TOP1MT: variants seen among roughly 807,000 people sequenced by gnomAD.
TOP1MT encodes DNA topoisomerase I mitochondrial.
In TOP1MT, 80 loss-of-function variants were observed where a neutral mutation model predicts 73.9. That is an observed-to-expected ratio of 1.08 (90% CI 0.90 to 1.30). TOP1MT has a LOEUF of 1.30. Ranked by LOEUF, TOP1MT falls within the 50% of genes most tolerant of loss-of-function variation. TOP1MT has a pLI of 0.00. For synonymous variants in TOP1MT, 338 were observed against 326.4 expected (o/e 1.04, Z -0.38); for missense variants, 815 against 808.0 (o/e 1.01, Z -0.10).
intron 1 of TOP1MT, among the ~76,000 whole-genome samples, chr8:143,350,889 C>T (rs1027603129): frequency 8.5e-5 from 13 of 152,196 alleles, no homozygotes; most frequent in African/African-American, 3.1e-4. Flanking sequence ...CAGAGACTGT[C>T]CTCGACCACA....
chr8:143,319,015 T>A (rs1000230619), intron 8 of TOP1MT, among the ~76,000 whole-genome samples: 1 of 152,088 alleles, frequency 6.6e-6, no homozygotes, highest in African/African-American at 2.4e-5. Context: ...CTGGACAGAG[T>A]GCAACTCCCC....
intron 5 of TOP1MT, among the ~76,000 whole-genome samples, chr8:143,324,911 G>T (rs572317450): frequency 1.9e-4 from 29 of 152,304 alleles, no homozygotes; most frequent in African/African-American, 6.7e-4. Flanking sequence ...CTGGGACGAC[G>T]AGTGCCCTGC....
At position 143,329,423 on chromosome 8, in the gene TOP1MT, TAA is replaced by T; in HGVS notation, c.285_286del (p.Phe95LeufsTer8). 6.2e-7 allele frequency: 1 copy of T among 1,610,176 alleles called. No homozygotes were observed. The highest frequency in any genetic ancestry group is 8.5e-7 in the Non-Finnish European group (1 of 1,179,018). On this transcript the variant is annotated frameshift_variant, in exon 3 of 14. Coordinates refer to ENST00000329245, the MANE Select transcript of TOP1MT (RefSeq NM_052963.3). LOFTEE classifies it high-confidence loss of function. ...GTATTCATGATCTAACATCCTCCCATAAAAAGTGGCGACCTCCTCCGCTGCCA... is the reference window on the plus strand; with the variant it reads ...GTATTCATGATCTAACATCCTCCCATAAAGTGGCGACCTCCTCCGCTGCCA...
rs1321261830 is a variant in TOP1MT, at chr8:143,326,023, C to G, written c.483+199G>C. ...ATGATGGTAAATTATCCATTTCAAA[C>G]CGGGTTTACTCTCAAATGTGCTCTG... On this transcript the variant is annotated intron_variant, in intron 4 of 13. Coordinates refer to ENST00000329245, the MANE Select transcript of TOP1MT (RefSeq NM_052963.3). Among the ~76,000 whole-genome samples the G allele has an allele frequency of 2.0e-5, 3 of 152,204 alleles. No individual in the cohort carries two copies. In the South Asian group the frequency reaches 6.2e-4, roughly 32 times the overall value.
intron 2 of TOP1MT, among the ~76,000 whole-genome samples, chr8:143,342,084 ATTATTAGAGTCTCGCTCTG>A (rs1276676155): frequency 7.6e-5 from 10 of 130,864 alleles, no homozygotes; most frequent in African/African-American, 1.7e-4. Context: ...TGTTATTATT[ATTATTAGAGTCTCGCTCTG>A]TTATTATTAT....
upstream of TOP1MT, among the ~76,000 whole-genome samples, chr8:143,358,381 CCT>C (rs1210348149): frequency 1.3e-5 from 2 of 152,218 alleles, no homozygotes; most frequent in African/African-American, 2.4e-5. Flanking sequence ...CCATTCCTCC[CCT>C]GTTCTGATCC....
chr8:143,351,044 G>A (rs1015710746), intron 1 of TOP1MT, among the ~76,000 whole-genome samples: 10 of 152,016 alleles, frequency 6.6e-5, no homozygotes, highest in African/African-American at 2.2e-4. Flanking sequence ...CTTCATCATC[G>A]GGTCAAATTC....
At chr8:143,320,557 A>G (rs892821583) in intron 8 of TOP1MT, among the ~76,000 whole-genome samples, 1 of 152,224 alleles carries the variant, frequency 6.6e-6, no homozygotes, top group Non-Finnish European at 1.5e-5. Flanking sequence ...GTGCACCACC[A>G]TGCCTGGCCA....
At chr8:143,315,232 G>A (rs1240506084) in intron 12 of TOP1MT, among the ~76,000 whole-genome samples, 1 of 152,198 alleles carries the variant, frequency 6.6e-6, no homozygotes, top group Non-Finnish European at 1.5e-5. Flanking sequence ...CTGTGCTTCA[G>A]TGGTCATGCT....
upstream of TOP1MT, among the ~76,000 whole-genome samples, chr8:143,347,583 AG>A (rs1334810508): frequency 6.6e-6 from 1 of 152,226 alleles, no homozygotes; most frequent in Non-Finnish European, 1.5e-5. Flanking sequence ...GTGCCTGGCC[AG>A]GCCTCACCTC....
chr8:143,330,317 G>A (rs1816819104), intron 2 of TOP1MT, among the ~76,000 whole-genome samples: 1 of 152,210 alleles, frequency 6.6e-6, no homozygotes, highest in African/African-American at 2.4e-5. Flanking sequence ...TGGCCAGGGA[G>A]GTCCTGCAGG....
upstream of TOP1MT, among the ~76,000 whole-genome samples, chr8:143,345,715 A>G (rs1817209120): frequency 2.0e-5 from 3 of 152,280 alleles, no homozygotes; most frequent in South Asian, 6.2e-4. Flanking sequence ...GAAGAGATAA[A>G]GTAATTCACA....
intron 13 of TOP1MT, 91 bp downstream of exon 13, chr8:143,309,977 A>C (rs754177255): frequency 2.5e-6 from 4 of 1,597,582 alleles, no homozygotes; most frequent in Non-Finnish European, 3.4e-6. Flanking sequence ...GACACGGGAC[A>C]AGGGCAATGC....
At chr8:143,316,171 ACCCT>A in intron 10 of TOP1MT, 45 bp from the exon 11 acceptor site, 2 of 1,612,358 alleles carry the variant, frequency 1.2e-6, no homozygotes, top group Non-Finnish European at 1.7e-6. Flanking sequence ...GGGGCCGGCC[ACCCT>A]CCCTGTCTGC....
Position 143,352,620 on chromosome 8 carries a change from T to C in TOP1MT, c.-39+3345A>G, listed in dbSNP as rs150722208. 2.0e-3 allele frequency among the ~76,000 whole-genome samples: 300 copies of C among 152,322 alleles called. No homozygotes were observed. In the Middle Eastern group the frequency reaches 0.02, roughly 10 times the overall value. Reference sequence around the variant, plus strand: ...ATCTTTATGACCCTGAATTAGATCATGGTTTTTGGGTTGGTTGGTTGGTCT... The same window carrying C: ...ATCTTTATGACCCTGAATTAGATCACGGTTTTTGGGTTGGTTGGTTGGTCT... On this transcript the variant is annotated intron_variant, in intron 1 of 5. Transcript: ENST00000518760.
chr8:143,346,839 C>G (rs145018706), upstream of TOP1MT, among the ~76,000 whole-genome samples: 2 of 152,184 alleles, frequency 1.3e-5, no homozygotes, highest in Non-Finnish European at 2.9e-5. Context: ...GGACACTAAG[C>G]AAAATCACGA....
intron 8 of TOP1MT, among the ~76,000 whole-genome samples, chr8:143,320,896 T>G (rs549831085): frequency 2.6e-5 from 4 of 152,200 alleles, no homozygotes; most frequent in Non-Finnish European, 5.9e-5. Context: ...GTTAAACCAC[T>G]GGGTCTGCAG....
intron 4 of TOP1MT, among the ~76,000 whole-genome samples, chr8:143,325,775 G>A (rs574670061): frequency 1.3e-5 from 2 of 152,252 alleles, no homozygotes; most frequent in East Asian, 1.9e-4. Flanking sequence ...CACAGACTTC[G>A]GCTGTTTTAG....
Position 143,341,134 on chromosome 8 carries a change from C to G in TOP1MT, c.29+2086G>C, listed in dbSNP as rs981772422. ...CTCAGGCTTGCCCCTAGCGTCCCCG[C>G]CACCCTCTTCTCGTGCTGCCGCCCC... On this transcript the variant is annotated intron_variant, in intron 2 of 5. Coordinates refer to the TOP1MT transcript ENST00000518007. The surrounding 1 kb of genome is among the most constrained non-coding windows in gnomAD (Gnocchi z 4.1). Among the ~76,000 whole-genome samples the G allele has an allele frequency of 6.6e-6, 1 of 152,216 alleles. No homozygotes were observed. Among genetic ancestry groups the G allele is most frequent in the Non-Finnish European group, 1.5e-5 (1 of 68,034 alleles).
Sources: allele counts gnomAD v4.1 joint callset (sites outside exome capture counted in the v4.1 genomes callset), GRCh38; gene constraint gnomAD v4.1.1; non-coding constraint Gnocchi (gnomAD v3.1); transcripts MANE v1.5; gene names NCBI Gene and HGNC (gene_info 2026-07-23, HGNC 2026-07-21).